WNT2B: variants seen among roughly 807,000 people sequenced by gnomAD.
The protein encoded by WNT2B is Wnt family member 2B, also known as protein Wnt-2b.
Under a neutral mutation model 40.5 loss-of-function variants are expected in WNT2B, and 19 were observed. The observed-to-expected ratio is 0.47, with a 90% confidence interval of 0.33 to 0.69. WNT2B has a LOEUF of 0.69. Ranked by LOEUF, WNT2B falls within the 30% of genes least tolerant of loss-of-function variation. The pLI, the probability that WNT2B is intolerant of heterozygous loss-of-function variation, is 0.02. For synonymous variants in WNT2B, 220 were observed against 211.9 expected (o/e 1.04, Z -0.33); for missense variants, 467 against 556.4 (o/e 0.84, Z 1.62).
At chr1:112,494,187 G>C (rs1280294092) in intron 1 of WNT2B, among the ~76,000 whole-genome samples, 2 of 151,128 alleles carry the variant, frequency 1.3e-5, no homozygotes, top group Non-Finnish European at 2.9e-5. Flanking sequence ...GCGTGCGCCT[G>C]TAGTCCCAGC....
chr1:112,504,245 C>G (rs1337785881), upstream of WNT2B, among the ~76,000 whole-genome samples: 1 of 152,056 alleles, frequency 6.6e-6, no homozygotes, highest in Non-Finnish European at 1.5e-5. Flanking sequence ...CTCCAGACAC[C>G]CCCATTCCCT....
intron 1 of WNT2B, among the ~76,000 whole-genome samples, chr1:112,484,799 T>TA (rs1651364047): frequency 6.6e-6 from 1 of 151,272 alleles, no homozygotes; most frequent in African/African-American, 2.4e-5. Context: ...AATTAATAAA[T>TA]AATACTATTT....
chr1:112,509,319 C>T lies in WNT2B; in HGVS notation c.57C>T (p.Ser19=). Residue 19 remains serine, a synonymous_variant, in exon 1 of 5, where the codon AGC becomes AGT. Coordinates refer to ENST00000369684, the MANE Select transcript of WNT2B (RefSeq NM_024494.3). This position sits in a 1 kb window ranked among gnomAD's most constrained non-coding sequence, Gnocchi z 4.2. ...EAAQLPLRRA[S]APVPVPSPAA... ...CGCAGCTCCCGCTTCGGCGCGCCAGCGCCCCGGTCCCTGTGCCGTCGCCCG... is the reference window on the plus strand; with the variant it reads ...CGCAGCTCCCGCTTCGGCGCGCCAGTGCCCCGGTCCCTGTGCCGTCGCCCG... 1.3e-6 allele frequency: 2 copies of T among 1,573,656 alleles called. No homozygotes were observed. The highest frequency in any genetic ancestry group is 1.4e-5 in the African/African-American group (1 of 72,898).
At chr1:112,470,922 G>A (rs573955569) in intron 1 of WNT2B, among the ~76,000 whole-genome samples, 1 of 152,308 alleles carries the variant, frequency 6.6e-6, no homozygotes, top group East Asian at 1.9e-4. Context: ...CTGGCTTACT[G>A]TGACTGTGTC....
intron 1 of WNT2B, among the ~76,000 whole-genome samples, chr1:112,476,932 C>A (rs1426813494): frequency 6.6e-6 from 1 of 152,182 alleles, no homozygotes; most frequent in Admixed American, 6.5e-5. Flanking sequence ...CTGCCATGGG[C>A]ACACCTGTAC....
upstream of WNT2B, among the ~76,000 whole-genome samples, chr1:112,508,485 G>T (rs1652200384): frequency 6.6e-6 from 1 of 152,116 alleles, no homozygotes; most frequent in Non-Finnish European, 1.5e-5. The surrounding 1 kb of genome is among the most constrained non-coding windows in gnomAD (Gnocchi z 4.2). Flanking sequence ...CCTGTAGGCA[G>T]TGTTGAAAAG....
In WNT2B at chr1:112,515,344, T is replaced by A. The variant is rs1287779858; in HGVS notation, c.403+250T>A. ...TAAAGCATTCCCTAGAACCTCCATC[T>A]TTCTCCCTCATTTTCCTTGTCCTCC... On this transcript the variant is annotated intron_variant, in intron 2 of 4. Transcript: ENST00000369684. The surrounding 1 kb of genome is among the most constrained non-coding windows in gnomAD (Gnocchi z 4.4). Among the ~76,000 whole-genome samples the A allele has an allele frequency of 6.6e-6, 1 of 152,146 alleles. No homozygotes were observed. The highest frequency in any genetic ancestry group is 1.5e-5 in the Non-Finnish European group (1 of 68,032).
At chr1:112,486,333 T>C (rs1406404855) in intron 1 of WNT2B, among the ~76,000 whole-genome samples, 1 of 152,116 alleles carries the variant, frequency 6.6e-6, no homozygotes, top group Non-Finnish European at 1.5e-5. Context: ...GTCCCAGTTA[T>C]TCAGGAGTCT....
chr1:112,502,728 G>A (rs994202926), intron 1 of WNT2B, among the ~76,000 whole-genome samples: 1 of 152,180 alleles, frequency 6.6e-6, no homozygotes, highest in Non-Finnish European at 1.5e-5. Flanking sequence ...AGGAGAGGAG[G>A]AGGGGGTGGG....
intron 1 of WNT2B, among the ~76,000 whole-genome samples, chr1:112,492,216 A>C (rs1032826585): frequency 5.3e-5 from 8 of 152,248 alleles, no homozygotes; most frequent in African/African-American, 1.9e-4. Flanking sequence ...TCATCGCCCC[A>C]GCCTAACAAT....
intron 1 of WNT2B, among the ~76,000 whole-genome samples, chr1:112,510,073 C>T (rs1363236547): frequency 1.3e-5 from 2 of 152,166 alleles, no homozygotes; most frequent in Admixed American, 6.5e-5. Context: ...CTCCCTTCTT[C>T]CTATTCTTTC....
At chr1:112,510,087 T>A (rs1180508661) in intron 1 of WNT2B, among the ~76,000 whole-genome samples, 1 of 152,042 alleles carries the variant, frequency 6.6e-6, no homozygotes, top group Non-Finnish European at 1.5e-5. Context: ...TTCTTTCCCA[T>A]CTCCCATTTC....
At chr1:112,477,475 A>G (rs1570762769) in intron 1 of WNT2B, among the ~76,000 whole-genome samples, 1 of 2,598 alleles carries the variant, frequency 3.8e-4, no homozygotes, top group Non-Finnish European at 6.4e-4. Flanking sequence ...AAAGAAACAT[A>G]AAAAAATCAA....
chr1:112,525,977 G>A lies in WNT2B; in HGVS notation c.*5468G>A. 1 of 1,611,908 alleles carries A rather than the reference G, an allele frequency of 6.2e-7. No homozygotes were observed. The highest frequency in any genetic ancestry group is 1.1e-5 in the South Asian group (1 of 90,888). ...TTACAGATGCTGTTCAGAAAAATTT[G>A]GTGATTTGTCCAAGGTCACATGAAC... On this transcript the variant is annotated 3_prime_UTR_variant, in exon 5 of 5. Coordinates refer to ENST00000369684, the MANE Select transcript of WNT2B (RefSeq NM_024494.3).
At chr1:112,504,962 A>T (rs551862820), upstream of WNT2B, among the ~76,000 whole-genome samples, 1 of 152,344 alleles carries the variant, frequency 6.6e-6, no homozygotes, top group East Asian at 1.9e-4. Flanking sequence ...CTCCCCTCCC[A>T]TCCAAGGGCC....
chr1:112,513,768 C>T (rs192651075), intron 1 of WNT2B, among the ~76,000 whole-genome samples: 2 of 152,240 alleles, frequency 1.3e-5, no homozygotes, highest in East Asian at 1.9e-4. Context: ...CCCTTTGATG[C>T]GTTCTGGACA....
At chr1:112,468,551 T>G (rs1047703357) in intron 1 of WNT2B, among the ~76,000 whole-genome samples, 2 of 152,226 alleles carry the variant, frequency 1.3e-5, no homozygotes, top group African/African-American at 4.8e-5. Flanking sequence ...TAATGATTCA[T>G]GACATTGAGC....
chr1:112,474,880 GT>G (rs1398197456), intron 1 of WNT2B, among the ~76,000 whole-genome samples: 2 of 152,122 alleles, frequency 1.3e-5, no homozygotes, highest in Admixed American at 6.6e-5. Flanking sequence ...TTAAAAGTGT[GT>G]AGCAATCCCC....
intron 1 of WNT2B, among the ~76,000 whole-genome samples, chr1:112,489,001 A>G (rs775608422): frequency 6.6e-6 from 1 of 152,160 alleles, no homozygotes; most frequent in Admixed American, 6.5e-5. Context: ...AGTGAAATTA[A>G]GCATCTGTGC....
Sources: gnomAD v4.1 joint callset for allele counts (sites outside exome capture counted in the v4.1 genomes callset) on GRCh38, gnomAD v4.1.1 for gene constraint, Gnocchi (gnomAD v3.1) non-coding constraint, MANE v1.5 for transcripts, NCBI Gene and HGNC (gene_info 2026-07-23, HGNC 2026-07-21) for gene names.